The following TAFA2 variants were observed in gnomAD, a reference collection of about 807,000 sequenced individuals.
TAFA2 encodes TAFA chemokine like family member 2.
A neutral mutation model predicts 18.8 loss-of-function variants in TAFA2; 7 were observed. The ratio of observed to expected loss-of-function variants is 0.37; its 90% CI spans 0.21 to 0.70. TAFA2 has a LOEUF of 0.70. TAFA2 is among the 30% of genes least tolerant of loss of function. The pLI, the probability that TAFA2 is intolerant of heterozygous loss-of-function variation, is 0.53. For missense variants in TAFA2, 122 were observed against 158.1 expected (o/e 0.77, Z 1.23); for synonymous variants, 60 against 54.2 (o/e 1.11, Z -0.47).
chr12:61,955,651 A>ATG (rs1490921263), intron 1 of TAFA2, among the ~76,000 whole-genome samples: 11 of 88,906 alleles, frequency 1.2e-4, no homozygotes, highest in African/African-American at 3.9e-4. Context: ...ATATATATAT[A>ATG]TATATATATA....
intron 1 of TAFA2, among the ~76,000 whole-genome samples, chr12:62,222,213 C>A (rs1377309131): frequency 6.7e-6 from 1 of 150,246 alleles, no homozygotes; most frequent in Non-Finnish European, 1.5e-5. Context: ...ACACACACAT[C>A]TGGAGTCATA....
chr12:61,804,854 C>T (rs1871544377), intron 2 of TAFA2, among the ~76,000 whole-genome samples: 1 of 151,928 alleles, frequency 6.6e-6, no homozygotes, highest in South Asian at 2.1e-4. Flanking sequence ...ACATACACAC[C>T]TCATAATCAA....
intron 1 of TAFA2, among the ~76,000 whole-genome samples, chr12:61,975,154 T>C (rs1879385056): frequency 6.6e-6 from 1 of 151,834 alleles, no homozygotes; most frequent in African/African-American, 2.4e-5. Flanking sequence ...TTTGTGTTAA[T>C]AGCACATTAA....
At chr12:62,180,553 A>G (rs544829356) in intron 1 of TAFA2, among the ~76,000 whole-genome samples, 28 of 152,360 alleles carry the variant, frequency 1.8e-4, no homozygotes, top group Admixed American at 3.9e-4. Context: ...GAACTTTTTC[A>G]GGTTTTATTA....
intron 4 of TAFA2, among the ~76,000 whole-genome samples, chr12:61,744,626 C>G (rs922900880): frequency 9.2e-5 from 14 of 152,088 alleles, no homozygotes; most frequent in African/African-American, 2.4e-4. Flanking sequence ...ACAATCATGG[C>G]TTACTGCAGC....
At chr12:62,043,472 G>T (rs982421211) in intron 1 of TAFA2, among the ~76,000 whole-genome samples, 1 of 151,862 alleles carries the variant, frequency 6.6e-6, no homozygotes, top group Non-Finnish European at 1.5e-5. Context: ...GTGAGGTGGG[G>T]GTAGGGGGGA....
chr12:62,226,232 C>T (rs555664859), intron 1 of TAFA2, among the ~76,000 whole-genome samples: 6 of 150,812 alleles, frequency 4.0e-5, no homozygotes, highest in Non-Finnish European at 7.4e-5. Context: ...CTCGCTCTGC[C>T]GCCCAGGCTG....
chr12:62,114,064 G>A (rs1044457992), intron 1 of TAFA2, among the ~76,000 whole-genome samples: 9 of 152,158 alleles, frequency 5.9e-5, no homozygotes, highest in African/African-American at 2.2e-4. Flanking sequence ...GCAGCAGCTC[G>A]GTGTCTGCCC....
At chr12:61,884,844 A>G (rs1875303248) in intron 1 of TAFA2, among the ~76,000 whole-genome samples, 1 of 152,170 alleles carries the variant, frequency 6.6e-6, no homozygotes, top group Non-Finnish European at 1.5e-5. Context: ...GCTAAAAGAT[A>G]ATTAATATCT....
At chr12:61,872,731 C>T (rs1342583528) in intron 1 of TAFA2, among the ~76,000 whole-genome samples, 2 of 152,068 alleles carry the variant, frequency 1.3e-5, no homozygotes, top group African/African-American at 2.4e-5. Flanking sequence ...TAGACCTTAC[C>T]CTAAACGTTA....
At chr12:61,867,491 GCTACATGTAAAGCC>G (rs957495830) in intron 1 of TAFA2, 65 bp from the exon 2 acceptor site, 2 of 981,926 alleles carry the variant, frequency 2.0e-6, no homozygotes, top group Non-Finnish European at 3.2e-6. Context: ...TTATGATTGT[GCTACATGTAAAGCC>G]TTCCACTATA....
intron 1 of TAFA2, among the ~76,000 whole-genome samples, chr12:62,156,737 GTGGGAGCTAAGCTA>G (rs1401431776): frequency 6.6e-6 from 1 of 152,184 alleles, no homozygotes; most frequent in East Asian, 1.9e-4. Context: ...TCACTGATAT[GTGGGAGCTAAGCTA>G]TGAAGACGGA....
rs1167287941 is a variant in TAFA2 at position 62,192,693 on chromosome 12, A to G, written c.-1436T>C. 6.6e-6 allele frequency: 1 copy of G among 152,298 alleles called. No homozygotes were observed. The highest frequency in any genetic ancestry group is 1.5e-5 in the Non-Finnish European group (1 of 68,100). 9.4% of individuals were successfully genotyped at this position (152,298 alleles called of 1,614,324 possible). On this transcript the variant is annotated 5_prime_UTR_variant, in exon 1 of 5. Transcript: ENST00000416284. ...GACACTCCAGGTTGAGTTAAGCAGT[A>G]AAATGGAATGGCAGGGCCGGGCGGC...
At chr12:61,970,112 T>G (rs1879197777) in intron 1 of TAFA2, among the ~76,000 whole-genome samples, 1 of 151,684 alleles carries the variant, frequency 6.6e-6, no homozygotes, top group African/African-American at 2.4e-5. Context: ...CAAATTCATG[T>G]CTTCATTCTT....
At chr12:62,173,805 G>A (rs905548694) in intron 1 of TAFA2, among the ~76,000 whole-genome samples, 4 of 152,158 alleles carry the variant, frequency 2.6e-5, no homozygotes, top group African/African-American at 4.8e-5. Flanking sequence ...GCAGGAAAAC[G>A]GAGAAGAGTT....
chr12:61,871,379 G>C (rs1010417088), intron 1 of TAFA2, among the ~76,000 whole-genome samples: 1 of 152,132 alleles, frequency 6.6e-6, no homozygotes, highest in Admixed American at 6.5e-5. Flanking sequence ...TAACCACCAG[G>C]TCTCAGTATA....
At chr12:62,063,456 T>G (rs977079225) in intron 1 of TAFA2, among the ~76,000 whole-genome samples, 2 of 152,192 alleles carry the variant, frequency 1.3e-5, no homozygotes, top group Non-Finnish European at 2.9e-5. Context: ...AAATATGTAT[T>G]CTATATATAG....
chr12:62,011,106 CAT>C (rs1267442803), intron 1 of TAFA2, among the ~76,000 whole-genome samples: 1 of 150,202 alleles, frequency 6.7e-6, no homozygotes, highest in Admixed American at 6.6e-5. Flanking sequence ...CCCGGCCACC[CAT>C]CGTCTGGGAT....
At chr12:61,775,924 C>T (rs181294620) in intron 2 of TAFA2, 19 of 197,722 alleles carry the variant, frequency 9.6e-5, no homozygotes, top group Middle Eastern at 2.7e-3. Flanking sequence ...TATGCCAAAA[C>T]GACAAACACC....
Sources: gnomAD v4.1 joint callset for allele counts (sites outside exome capture counted in the v4.1 genomes callset) on GRCh38, gnomAD v4.1.1 for gene constraint, MANE v1.5 for transcripts, NCBI Gene and HGNC (gene_info 2026-07-23, HGNC 2026-07-21) for gene names.